Variants in CRISPLD2 observed in about 807,000 individuals in gnomAD.
CRISPLD2 encodes the protein cysteine-rich secretory protein LCCL domain-containing 2.
CRISPLD2 carries 47 observed loss-of-function variants against 71.1 expected under a neutral mutation model. The observed-to-expected ratio is 0.66, with a 90% CI of 0.52 to 0.84. CRISPLD2 has a LOEUF of 0.84. Among genes scored for constraint, CRISPLD2 ranks in the 40% least tolerant of loss-of-function variants. CRISPLD2 has a pLI of 0.00. For missense variants in CRISPLD2, 830 were observed against 651.1 expected (o/e 1.27, Z -2.99); for synonymous variants, 317 against 250.1 (o/e 1.27, Z -2.52).
intron 8 of CRISPLD2, among the ~76,000 whole-genome samples, chr16:84,871,772 G>A (rs2071471172): frequency 6.7e-6 from 1 of 148,822 alleles, no homozygotes; most frequent in South Asian, 2.1e-4. Context: ...GGCTGGTCTT[G>A]AACTCCTGAC....
At chr16:84,864,253 G>T (rs1404080494) in intron 6 of CRISPLD2, among the ~76,000 whole-genome samples, 1 of 152,140 alleles carries the variant, frequency 6.6e-6, no homozygotes, top group Non-Finnish European at 1.5e-5. Context: ...GGAGGTACTC[G>T]GATCCAGCCC....
Position 84,906,679 on chromosome 16 carries a change from G to T in CRISPLD2, c.*37G>T, listed in dbSNP as rs1416116431. On this transcript the variant is annotated 3_prime_UTR_variant, in exon 15 of 15. Transcript: ENST00000262424. The stretch of plus-strand genomic sequence containing the variant: ...CAGGGGAGAAGGGGCGTCTTCAGGA[G>T]GGCTTCGGGGTTTTGCTTTTATTTT... 3.7e-6 allele frequency: 6 copies of T among 1,611,572 alleles called. No homozygotes were observed. The South Asian group carries it at 5.5e-5, about 15-fold the overall frequency.
intron 12 of CRISPLD2, 44 bp downstream of exon 12, chr16:84,877,554 G>C (rs1037793775): frequency 5.6e-6 from 9 of 1,597,854 alleles, no homozygotes; most frequent in Non-Finnish European, 6.9e-6. Context: ...GAAGATGTTA[G>C]AAGTAGCTTT....
chr16:84,887,889 GATAA>G (rs908584266), intron 13 of CRISPLD2, among the ~76,000 whole-genome samples: 1 of 151,800 alleles, frequency 6.6e-6, no homozygotes, highest in Non-Finnish European at 1.5e-5. Context: ...AAAATAGATA[GATAA>G]ATAAATAAAT....
intron 2 of CRISPLD2, chr16:84,839,443 C>G (rs1480034434): frequency 1.8e-5 from 3 of 167,986 alleles, no homozygotes; most frequent in African/African-American, 4.8e-5. Flanking sequence ...AGAGTCCTTC[C>G]TCGCGTGGTT....
chr16:84,849,771 T>A (rs1917030197), intron 4 of CRISPLD2, among the ~76,000 whole-genome samples: 1 of 90,174 alleles, frequency 1.1e-5, no homozygotes, highest in Non-Finnish European at 2.9e-5. Context: ...TGGAGTGCAG[T>A]GGCATGATCT....
At chr16:84,866,778 G>T in intron 6 of CRISPLD2, 119 bp from the exon 7 acceptor site, 1 of 953,068 alleles carries the variant, frequency 1.0e-6, no homozygotes, top group Non-Finnish European at 1.6e-6. Flanking sequence ...CCGCTGAAAT[G>T]ATTCTTTGTA....
intron 7 of CRISPLD2, among the ~76,000 whole-genome samples, chr16:84,867,266 T>C (rs1917567916): frequency 6.6e-6 from 1 of 152,214 alleles, no homozygotes; most frequent in South Asian, 2.1e-4. Context: ...TGGGTGGCAT[T>C]TTCCCCACAC....
intron 11 of CRISPLD2, among the ~76,000 whole-genome samples, chr16:84,875,092 A>G (rs538379620): frequency 2.6e-5 from 4 of 152,152 alleles, no homozygotes; most frequent in Middle Eastern, 3.4e-3. Context: ...AACACACAAA[A>G]TTAGCTGGGC....
At chr16:84,880,613 C>G in intron 13 of CRISPLD2, 29 bp downstream of exon 13, 1 of 1,589,352 alleles carries the variant, frequency 6.3e-7, no homozygotes, top group Non-Finnish European at 8.6e-7. Context: ...CAACAACTAT[C>G]TCGCAAAGCC....
chr16:84,845,499 C>G (rs1241409853), intron 2 of CRISPLD2, among the ~76,000 whole-genome samples: 1 of 152,220 alleles, frequency 6.6e-6, no homozygotes, highest in South Asian at 2.1e-4. Context: ...CCTCAGAGGT[C>G]ACTCAGCATG....
At position 84,872,484 on chromosome 16, in the gene CRISPLD2, C is replaced by G. The variant is rs372522087; in HGVS notation, c.957C>G (p.Ile319Met). ...GCTGCCTGAACCACAAGGCGAAGAT[C>G]TTTGGAACTCTGTTCTATGAAAGCG... The part of the protein sequence containing the change: ...PAGCLNHKAK[I>M]FGTLFYESSS... The change falls in exon 9 of 15, where the codon ATC becomes ATG. Residue 319 changes from isoleucine to methionine, a missense_variant. By Grantham distance (10) the Ile-to-Met change is conservative. Coordinates refer to ENST00000262424, the MANE Select transcript of CRISPLD2 (RefSeq NM_031476.4). 2 of 1,613,868 alleles carry G rather than the reference C, an allele frequency of 1.2e-6. No individual in the cohort carries two copies. The highest frequency in any genetic ancestry group is 2.7e-5 in the African/African-American group (2 of 74,914).
chr16:84,894,750 T>C (rs2071691437), intron 14 of CRISPLD2, among the ~76,000 whole-genome samples: 1 of 152,144 alleles, frequency 6.6e-6, no homozygotes, highest in Non-Finnish European at 1.5e-5. Context: ...CATTCTTTTT[T>C]GGGTATAAGG....
chr16:84,882,898 C>G (rs1019626707), intron 13 of CRISPLD2, among the ~76,000 whole-genome samples: 58 of 152,220 alleles, frequency 3.8e-4, no homozygotes, highest in African/African-American at 1.3e-3. Context: ...TCTGCTCTTT[C>G]CCTGGTGTAT....
chr16:84,889,378 T>C lies in CRISPLD2; in HGVS notation c.1439+15T>C, dbSNP rs2071641521. ...CAGTCTGAAAGGTAGGGTGGTGTTC[T>C]CCAACCCTTGACACCCAATCCCGGC... On this transcript the variant is annotated intron_variant, in intron 14 of 14. Coordinates refer to ENST00000262424, the MANE Select transcript of CRISPLD2 (RefSeq NM_031476.4). The C allele has an allele frequency of 6.2e-7, 1 of 1,600,160 alleles. No homozygotes were observed. Among genetic ancestry groups the C allele is most frequent in the African/African-American group, 1.3e-5 (1 of 74,834 alleles).
At chr16:84,894,370 C>G (rs924306173) in intron 14 of CRISPLD2, among the ~76,000 whole-genome samples, 121 of 152,182 alleles carry the variant, frequency 8.0e-4, no homozygotes, top group African/African-American at 2.8e-3. Context: ...AATATATAAA[C>G]AATGACAGTG....
At chr16:84,877,992 C>T (rs967081194) in intron 12 of CRISPLD2, among the ~76,000 whole-genome samples, 5 of 149,462 alleles carry the variant, frequency 3.3e-5, no homozygotes, top group African/African-American at 1.0e-4. Flanking sequence ...AGGCGGATCA[C>T]GAGGTCAGGA....
intron 5 of CRISPLD2, among the ~76,000 whole-genome samples, chr16:84,851,662 T>A (rs879575265): frequency 2.0e-5 from 3 of 152,124 alleles, no homozygotes; most frequent in Non-Finnish European, 4.4e-5. Context: ...AGCGGGTGTG[T>A]CATTGCCTGG....
chr16:84,864,081 G>C (rs1415097823), intron 6 of CRISPLD2, among the ~76,000 whole-genome samples: 1 of 152,094 alleles, frequency 6.6e-6, no homozygotes, highest in African/African-American at 2.4e-5. Context: ...TTAGCTCCGG[G>C]CATGGTCACC....
Sources: allele counts gnomAD v4.1 joint callset (sites outside exome capture counted in the v4.1 genomes callset), GRCh38; gene constraint gnomAD v4.1.1; transcripts MANE v1.5; gene names NCBI Gene and HGNC (gene_info 2026-07-23, HGNC 2026-07-21).